The following SSBP2 variants were observed in gnomAD, a reference collection of about 807,000 sequenced individuals.
The protein encoded by SSBP2 is single-stranded DNA-binding protein 2.
Under a neutral mutation model 61.8 loss-of-function variants are expected in SSBP2, and 17 were observed. The ratio of observed to expected loss-of-function variants is 0.28; its 90% CI spans 0.19 to 0.41. The LOEUF (loss-of-function observed/expected upper bound fraction) is 0.41, where lower values mean the gene tolerates loss of function less well. Ranked by LOEUF, SSBP2 falls within the 10% of genes least tolerant of loss-of-function variation. The pLI is 1.00. For synonymous variants in SSBP2, 139 were observed against 141.3 expected, an observed-to-expected ratio of 0.98 and a Z score of 0.12; for missense variants, 310 against 458.7, an observed-to-expected ratio of 0.68 and a Z score of 2.96.
At chr5:81,471,820 A>G (rs968320572) in intron 8 of SSBP2, among the ~76,000 whole-genome samples, 2 of 151,850 alleles carry the variant, frequency 1.3e-5, no homozygotes, top group African/African-American at 4.8e-5. Context: ...AACTGTATTT[A>G]TATGGGTTTT....
chr5:81,430,930 T>C (rs915730738), intron 15 of SSBP2, among the ~76,000 whole-genome samples: 1 of 152,072 alleles, frequency 6.6e-6, no homozygotes, highest in African/African-American at 2.4e-5. Context: ...CTCTGCAAAA[T>C]TGGAAAACAA....
At chr5:81,638,358 TAAA>T (rs1748444174) in intron 2 of SSBP2, among the ~76,000 whole-genome samples, 2 of 85,992 alleles carry the variant, frequency 2.3e-5, no homozygotes, top group Non-Finnish European at 5.8e-5. Flanking sequence ...ATAAAATAAA[TAAA>T]AAATAAAAAA....
rs7725277 is a variant in SSBP2 at position 81,434,461 on chromosome 5, C to T, written c.957+2969G>A. On this transcript the variant is annotated intron_variant, in intron 15 of 16. Coordinates refer to ENST00000320672, the MANE Select transcript of SSBP2 (RefSeq NM_012446.5). ...TCACCTGAGGTCAGGAGTTCCAGAC[C>T]AGCCTGACAACATGGAGAAACTCCG... Among the ~76,000 whole-genome samples, 6 of 151,236 alleles carry T rather than the reference C, an allele frequency of 4.0e-5. No individual in the cohort carries two copies. The South Asian group carries it at 6.3e-4, about 16-fold the overall frequency.
chr5:81,461,997 A>G (rs1242937532), intron 9 of SSBP2, among the ~76,000 whole-genome samples: 1 of 152,112 alleles, frequency 6.6e-6, no homozygotes, highest in Non-Finnish European at 1.5e-5. Context: ...CATTTGAATC[A>G]CTAAGACAAT....
At chr5:81,623,578 G>T (rs1197750786) in intron 3 of SSBP2, among the ~76,000 whole-genome samples, 1 of 151,554 alleles carries the variant, frequency 6.6e-6, no homozygotes, top group Non-Finnish European at 1.5e-5. Flanking sequence ...CTCATGATCC[G>T]CCCGTCTCGG....
At chr5:81,720,661 T>TC (rs1158326778) in intron 1 of SSBP2, among the ~76,000 whole-genome samples, 2 of 152,152 alleles carry the variant, frequency 1.3e-5, no homozygotes, top group Non-Finnish European at 2.9e-5. Flanking sequence ...TCAAGGCACT[T>TC]CCCCCCTCTC....
chr5:81,551,185 AAAC>A (rs1195145704), intron 4 of SSBP2, among the ~76,000 whole-genome samples: 1 of 152,110 alleles, frequency 6.6e-6, no homozygotes, highest in Non-Finnish European at 1.5e-5. Context: ...TTCACTATTA[AAAC>A]AACAAATTAT....
chr5:81,443,349 T>C lies in SSBP2; in HGVS notation c.779-626A>G, dbSNP rs559517963. On this transcript the variant is annotated intron_variant, in intron 12 of 16. Transcript: ENST00000320672. The stretch of plus-strand genomic sequence containing the variant: ...AAAATATCTGTACTGCATATCCATA[T>C]AAATATATGTAACATTGTGCAGTAT... The C allele has an allele frequency of 1.8e-4, 28 of 152,298 alleles. No homozygotes were observed. In the East Asian group the frequency reaches 4.6e-3, roughly 25 times the overall value. The allele number at this position is 152,298 out of a possible 1,614,324, so 9.4% of individuals were successfully genotyped here.
At position 81,496,423 on chromosome 5, in the gene SSBP2, G is replaced by A. The variant is rs142819734; in HGVS notation, c.373-7114C>T. Among the ~76,000 whole-genome samples the A allele has an allele frequency of 4.7e-4, 71 of 152,170 alleles. No homozygotes were observed. In the East Asian group the frequency reaches 9.5e-3, roughly 20 times the overall value. ...TCGAACTCCTGACCTTAGGTGATCC[G>A]CCTGCCTAGGCCTCCCAAAGTACTG... On this transcript the variant is annotated intron_variant, in intron 5 of 16. Transcript: ENST00000320672.
At chr5:81,628,301 T>C (rs1443522366) in intron 3 of SSBP2, among the ~76,000 whole-genome samples, 1 of 152,180 alleles carries the variant, frequency 6.6e-6, no homozygotes, top group African/African-American at 2.4e-5. Context: ...TTACTATTTC[T>C]AGAATAGCAT....
intron 4 of SSBP2, among the ~76,000 whole-genome samples, chr5:81,601,420 A>C (rs1744348804): frequency 6.6e-6 from 1 of 152,212 alleles, no homozygotes; most frequent in Non-Finnish European, 1.5e-5. Flanking sequence ...AAATCACACA[A>C]AACTAAATAC....
chr5:81,750,402 ACGCCCGGCTTCCGCCCGCCGCG>A (rs1169551824), intron 1 of SSBP2, among the ~76,000 whole-genome samples: 10 of 141,522 alleles, frequency 7.1e-5, no homozygotes, highest in African/African-American at 2.1e-4. Context: ...CGGCCGCTCC[ACGCCCGGCTTCCGCCCGCCGCG>A]CGCCCGGCAC....
In SSBP2 at chr5:81,418,102, T is replaced by C. The variant is rs1761393597; in HGVS notation, c.*2402A>G. ...AACAAAATATTTGAAAATTCTAGCA[T>C]TATAAGATTAAGCTTAATAATCAAA... On this transcript the variant is annotated 3_prime_UTR_variant, in exon 17 of 17. Coordinates refer to ENST00000320672, the MANE Select transcript of SSBP2 (RefSeq NM_012446.5). The C allele has an allele frequency of 3.3e-5, 5 of 152,208 alleles. No individual in the cohort carries two copies. The highest frequency in any genetic ancestry group is 3.3e-4 in the Admixed American group (5 of 15,278). 9.4% of individuals were successfully genotyped at this position (152,208 alleles called of 1,614,324 possible).
intron 1 of SSBP2, among the ~76,000 whole-genome samples, chr5:81,685,087 G>T (rs1198046824): frequency 6.6e-6 from 1 of 151,750 alleles, no homozygotes; most frequent in Admixed American, 6.6e-5. Context: ...CCCTTCACTC[G>T]CTCTCTCTCT....
chr5:81,505,395 C>G (rs1768104735), intron 5 of SSBP2, among the ~76,000 whole-genome samples: 1 of 152,156 alleles, frequency 6.6e-6, no homozygotes, highest in South Asian at 2.1e-4. Flanking sequence ...AAGCTAAAGT[C>G]TTTCTAATAT....
At chr5:81,540,191 C>T (rs771131103) in intron 4 of SSBP2, among the ~76,000 whole-genome samples, 7 of 152,050 alleles carry the variant, frequency 4.6e-5, no homozygotes, top group African/African-American at 1.2e-4. Context: ...TGAATGGTGC[C>T]GCAATAAACA....
chr5:81,720,004 G>C (rs2153967334), intron 1 of SSBP2, among the ~76,000 whole-genome samples: 1 of 152,186 alleles, frequency 6.6e-6, no homozygotes, highest in African/African-American at 2.4e-5. Context: ...ATGCTCACAG[G>C]AGAGTCATTT....
At chr5:81,428,502 G>C in intron 16 of SSBP2, 83 bp downstream of exon 16, 1 of 1,002,376 alleles carries the variant, frequency 1.0e-6, no homozygotes, top group Non-Finnish European at 1.6e-6. Context: ...ATAAACAGCA[G>C]TAAAAGTGGC....
chr5:81,712,607 C>CAA (rs554036646), intron 1 of SSBP2, among the ~76,000 whole-genome samples: 2 of 7,538 alleles, frequency 2.7e-4, no homozygotes, highest in African/African-American at 7.7e-4. Flanking sequence ...GACTCCGTCT[C>CAA]AAAAAAAAAA....
Sources: allele counts gnomAD v4.1 joint callset (sites outside exome capture counted in the v4.1 genomes callset), GRCh38; gene constraint gnomAD v4.1.1; transcripts MANE v1.5; gene names NCBI Gene and HGNC (gene_info 2026-07-23, HGNC 2026-07-21).